Variants in KLRG2 observed in about 807,000 individuals in gnomAD.
The protein encoded by KLRG2 is killer cell lectin-like receptor subfamily G member 2.
In KLRG2, 39 loss-of-function variants were observed where a neutral mutation model predicts 35.4. The observed-to-expected ratio is 1.10, with a 90% CI of 0.85 to 1.44. KLRG2 has a LOEUF of 1.44. Ranked by LOEUF, KLRG2 falls within the 40% of genes most tolerant of loss-of-function variation. The pLI, the probability that KLRG2 is intolerant of heterozygous loss-of-function variation, is 0.00. For synonymous variants in KLRG2, 283 were observed against 265.8 expected (o/e 1.06, Z -0.63); for missense variants, 632 against 570.9 (o/e 1.11, Z -1.09).
intron 3 of KLRG2, among the ~76,000 whole-genome samples, chr7:139,472,831 G>A (rs1796782174): frequency 6.6e-6 from 1 of 152,214 alleles, no homozygotes; most frequent in Non-Finnish European, 1.5e-5. Flanking sequence ...TTGAAAGTCT[G>A]TAAAAGAAAC....
At chr7:139,476,306 G>A (rs1224380847) in intron 3 of KLRG2, among the ~76,000 whole-genome samples, 1 of 152,170 alleles carries the variant, frequency 6.6e-6, no homozygotes, top group Non-Finnish European at 1.5e-5. Context: ...CCACGGAGGA[G>A]GGAGGCAAAA....
At chr7:139,442,125 G>A in the KLRG2 span, among the ~76,000 whole-genome samples, 1 of 152,198 alleles carries the variant, frequency 6.6e-6, no homozygotes, top group Non-Finnish European at 1.5e-5. Context: ...AGGGAGCAAA[G>A]CATGACAGGA....
intron 3 of KLRG2, among the ~76,000 whole-genome samples, chr7:139,471,423 A>T (rs1209904635): frequency 1.3e-5 from 2 of 152,222 alleles, no homozygotes; most frequent in African/African-American, 2.4e-5. Context: ...GCACTTTGGG[A>T]GCCCAAGGTG....
chr7:139,432,552 C>CCG, the KLRG2 span, among the ~76,000 whole-genome samples: 1 of 149,886 alleles, frequency 6.7e-6, no homozygotes, highest in African/African-American at 2.5e-5. Context: ...GGACCCCCCC[C>CCG]CCCCAATATT....
rs1243067174 is a variant in KLRG2, at chr7:139,455,259, T to C, written c.1006-1045A>G. ...GTCTTGAGCTCCTGGCCTCAAGTGA[T>C]CTGTCCATTTTAGCCTCCCAAAGTG... On this transcript the variant is annotated intron_variant, in intron 3 of 4. Transcript: ENST00000340940. 2.0e-5 allele frequency among the ~76,000 whole-genome samples: 3 copies of C among 152,092 alleles called. 1 individual carries two copies. The highest frequency in any genetic ancestry group is 4.8e-5 in the African/African-American group (2 of 41,508).
At position 139,483,627 on chromosome 7, in the gene KLRG2, C is replaced by G; in HGVS notation, c.16G>C (p.Glu6Gln). The change falls in exon 1 of 5, where the codon GAG (glutamate) becomes CAG (glutamine). Residue 6 changes from glutamate to glutamine, a missense_variant. Coordinates refer to ENST00000340940, the MANE Select transcript of KLRG2 (RefSeq NM_198508.4). MEESW[E>Q]AAPGGQAGAE... ...CCGGCTTGGCCTCCGGGCGCAGCCTCCCAAGACTCCTCCATCCCGCGCGCC... is the reference window on the plus strand; with the variant it reads ...CCGGCTTGGCCTCCGGGCGCAGCCTGCCAAGACTCCTCCATCCCGCGCGCC... 1 of 1,557,836 alleles carries G rather than the reference C, an allele frequency of 6.4e-7. No homozygotes were observed. The highest frequency in any genetic ancestry group is 8.6e-7 in the Non-Finnish European group (1 of 1,160,974).
At chr7:139,478,364 CAAAA>C (rs35355853) in intron 3 of KLRG2, among the ~76,000 whole-genome samples, 5 of 95,400 alleles carry the variant, frequency 5.2e-5, no homozygotes, top group Non-Finnish European at 2.1e-5. Flanking sequence ...GGACCTGTTT[CAAAA>C]AAAAAAAAAA....
chr7:139,461,517 T>C (rs547267099), intron 3 of KLRG2, among the ~76,000 whole-genome samples: 2 of 152,300 alleles, frequency 1.3e-5, no homozygotes, highest in East Asian at 3.9e-4. Context: ...GACCTGCACG[T>C]ATACATCCAG....
chr7:139,465,729 TAG>T (rs1228861086), intron 3 of KLRG2, among the ~76,000 whole-genome samples: 1 of 149,422 alleles, frequency 6.7e-6, no homozygotes, highest in Non-Finnish European at 1.5e-5. Flanking sequence ...GGAAGGAAGC[TAG>T]AGTCATTCAC....
At chr7:139,456,448 C>T (rs1185438143) in intron 3 of KLRG2, among the ~76,000 whole-genome samples, 1 of 152,168 alleles carries the variant, frequency 6.6e-6, no homozygotes. Context: ...TTACTGCAAC[C>T]ACCGTCTCCC....
chr7:139,450,420 T>A (rs1796359236), downstream of KLRG2, among the ~76,000 whole-genome samples: 1 of 152,196 alleles, frequency 6.6e-6, no homozygotes, highest in Non-Finnish European at 1.5e-5. Flanking sequence ...AGATGGGGTT[T>A]CACCGTGTTA....
At position 139,453,590 on chromosome 7, in the gene KLRG2, C is replaced by G; in HGVS notation, c.1227G>C (p.Gln409His). Residue 409 changes from glutamine (Q) to histidine (H), a missense_variant, in exon 5 of 5, where the codon CAG becomes CAC. By Grantham distance (24) the Gln-to-His change is conservative. Coordinates refer to ENST00000340940, the MANE Select transcript of KLRG2 (RefSeq NM_198508.4). ...PRPWVCAKGT[Q>H] is the part of the protein sequence containing the mutation. ...TGAGGACCAGGCAGAGCCCAGATCA[C>G]TGGGTCCCCTTGGCACAGACCCAGG... 3 of 1,596,522 alleles carry G rather than the reference C, an allele frequency of 1.9e-6. No homozygotes were observed. Among genetic ancestry groups the G allele is most frequent in the Non-Finnish European group, 2.6e-6 (3 of 1,171,666 alleles).
chr7:139,483,638 T>C lies in KLRG2; in HGVS notation c.5A>G (p.Glu2Gly). 6.6e-7 allele frequency: 1 copy of C among 1,517,978 alleles called. No individual in the cohort carries two copies. Among genetic ancestry groups the C allele is most frequent in the Non-Finnish European group, 8.8e-7 (1 of 1,142,080 alleles). The allele number at this position is 1,517,978 out of a possible 1,614,324, so 94.0% of individuals were successfully genotyped here. A position where few individuals can be genotyped will look rare whatever the true frequency, so the allele number is the denominator to read the frequency against. ...TCCGGGCGCAGCCTCCCAAGACTCC[T>C]CCATCCCGCGCGCCCCGCCACCCGG... MEESWEAAPGGQ... is the reference protein window; with the variant it reads MGESWEAAPGGQ... Residue 2 changes from glutamate (E) to glycine (G), a missense_variant, in exon 1 of 5, where the codon GAG becomes GGG. Physicochemically the swap from Glu to Gly is moderately conservative, Grantham distance 98. Transcript: ENST00000340940.
the KLRG2 span, among the ~76,000 whole-genome samples, chr7:139,432,736 A>G: frequency 2.0e-5 from 3 of 152,302 alleles, no homozygotes; most frequent in South Asian, 2.1e-4. Flanking sequence ...TCATCTCTGT[A>G]TACTTTAAGT....
At chr7:139,429,579 ACGAGCATGCTG>A in the KLRG2 span, among the ~76,000 whole-genome samples, 1 of 151,322 alleles carries the variant, frequency 6.6e-6, no homozygotes, top group African/African-American at 2.4e-5. Flanking sequence ...ATGACTCTTA[ACGAGCATGCTG>A]CCTTCAAGCA....
intron 3 of KLRG2, among the ~76,000 whole-genome samples, chr7:139,460,149 G>T (rs1257623969): frequency 6.6e-6 from 1 of 152,196 alleles, no homozygotes; most frequent in Non-Finnish European, 1.5e-5. Context: ...GCCCCCCAAA[G>T]TGTTGGGATT....
intron 3 of KLRG2, among the ~76,000 whole-genome samples, chr7:139,455,506 A>G (rs1796460424): frequency 1.3e-5 from 2 of 151,772 alleles, no homozygotes; most frequent in Non-Finnish European, 2.9e-5. Context: ...TATTTTTAGT[A>G]GAGATGGGGT....
intron 3 of KLRG2, among the ~76,000 whole-genome samples, chr7:139,460,261 C>G (rs1215442515): frequency 6.6e-6 from 1 of 152,220 alleles, no homozygotes; most frequent in Non-Finnish European, 1.5e-5. Flanking sequence ...GCGAGGGGAC[C>G]TGGCCCCGAC....
intron 4 of KLRG2, 37 bp from the exon 5 acceptor site, chr7:139,453,744 T>C (rs200605085): frequency 6.2e-7 from 1 of 1,612,794 alleles, no homozygotes; most frequent in Non-Finnish European, 8.5e-7. Context: ...GAGAGGTGTT[T>C]AGGGTGCCGG....
Sources: gnomAD v4.1 joint callset for allele counts (sites outside exome capture counted in the v4.1 genomes callset) on GRCh38, gnomAD v4.1.1 for gene constraint, MANE v1.5 for transcripts, NCBI Gene and HGNC (gene_info 2026-07-23, HGNC 2026-07-21) for gene names.